The following RHOQ variants were observed in gnomAD, a reference collection of about 807,000 sequenced individuals.
RHOQ encodes ras homolog family member Q, also known as rho-related GTP-binding protein RhoQ.
RHOQ carries 7 observed loss-of-function variants against 25.8 expected under a neutral mutation model. That is an observed-to-expected ratio of 0.27 (90% CI 0.15 to 0.51). The LOEUF is 0.51. RHOQ is among the 20% of genes least tolerant of loss of function. The pLI is 0.97. For synonymous variants in RHOQ, 97 were observed against 98.6 expected (o/e 0.98, Z 0.10); for missense variants, 165 against 260.6 (o/e 0.63, Z 2.53).
At chr2:46,567,900 A>T (rs377147087) in intron 2 of RHOQ, among the ~76,000 whole-genome samples, 151 of 152,114 alleles carry the variant, frequency 9.9e-4, no homozygotes, top group African/African-American at 2.9e-3. Context: ...TCTACAAAAA[A>T]AAAATAAAAT....
In RHOQ at chr2:46,569,987, G is replaced by A. The variant is rs993538199; in HGVS notation, c.202-6100G>A. Among the ~76,000 whole-genome samples the A allele has an allele frequency of 4.6e-5, 7 of 152,176 alleles. No homozygotes were observed. The highest frequency in any genetic ancestry group is 3.3e-4 in the Admixed American group (5 of 15,278). On this transcript the variant is annotated intron_variant, in intron 2 of 4. Coordinates refer to ENST00000238738, the MANE Select transcript of RHOQ (RefSeq NM_012249.4). The surrounding 1 kb of genome is among the most constrained non-coding windows in gnomAD (Gnocchi z 4.1). ...GGCAAATTCAGTAAACTCATCACTG[G>A]TGAGTTTTGAACCAAACTTACCAAA...
At chr2:46,545,242 C>T (rs1668008134) in intron 2 of RHOQ, among the ~76,000 whole-genome samples, 1 of 152,202 alleles carries the variant, frequency 6.6e-6, no homozygotes, top group African/African-American at 2.4e-5. Context: ...AGAGCTTGCT[C>T]AATCAACTAA....
chr2:46,580,022 G>C (rs781164470), intron 4 of RHOQ: 5 of 152,510 alleles, frequency 3.3e-5, no homozygotes, highest in Non-Finnish European at 5.9e-5. Flanking sequence ...TACTGGAATA[G>C]CTTCCAACTC....
At chr2:46,551,490 G>A (rs1668240398) in intron 2 of RHOQ, among the ~76,000 whole-genome samples, 1 of 152,132 alleles carries the variant, frequency 6.6e-6, no homozygotes, top group Non-Finnish European at 1.5e-5. Context: ...TGACCCCAAA[G>A]CGTCTTTTTA....
Position 46,548,294 on chromosome 2 carries a change from A to C in RHOQ, c.201+4482A>C, listed in dbSNP as rs570642097. Among the ~76,000 whole-genome samples the C allele has an allele frequency of 6.6e-6, 1 of 152,296 alleles. No homozygotes were observed. The highest frequency in any genetic ancestry group is 2.1e-4 in the South Asian group (1 of 4,828). On this transcript the variant is annotated intron_variant, in intron 2 of 4. Transcript: ENST00000238738. The surrounding 1 kb of genome is among the most constrained non-coding windows in gnomAD (Gnocchi z 5.2). Reference sequence around the variant, plus strand: ...CATGCCCTCTGGGTGCCCACAAGGCACTTCCCCTACAGAAGGGAATCTCCA... The same window carrying C: ...CATGCCCTCTGGGTGCCCACAAGGCCCTTCCCCTACAGAAGGGAATCTCCA...
Position 46,548,459 on chromosome 2 carries a change from C to G in RHOQ, c.201+4647C>G, listed in dbSNP as rs1461985160. 6.6e-6 allele frequency among the ~76,000 whole-genome samples: 1 copy of G among 152,232 alleles called. No homozygotes were observed. Among genetic ancestry groups the G allele is most frequent in the African/African-American group, 2.4e-5 (1 of 41,458 alleles). ...CTCCAGGCAAGTCATCCTCACAACA[C>G]CCTTCAAGGTAGACTTCTCCCAGAT... On this transcript the variant is annotated intron_variant, in intron 2 of 4. Transcript: ENST00000238738. The surrounding 1 kb of genome is among the most constrained non-coding windows in gnomAD (Gnocchi z 5.2).
intron 2 of RHOQ, among the ~76,000 whole-genome samples, chr2:46,567,887 G>C (rs1259837670): frequency 6.6e-6 from 1 of 151,364 alleles, no homozygotes; most frequent in Admixed American, 6.6e-5. Context: ...CAAGACCCCT[G>C]TCTCTACAAA....
chr2:46,560,205 C>T (rs149196071), intron 2 of RHOQ, among the ~76,000 whole-genome samples: 4 of 152,286 alleles, frequency 2.6e-5, no homozygotes, highest in East Asian at 1.9e-4. Flanking sequence ...TTGCTCGCTC[C>T]GAATTTGGCT....
rs765791952 is a variant in RHOQ, at chr2:46,576,266, A to T, written c.366+15A>T. ...TAGGAACTCAGGTATGTCTGGTTTG[A>T]TTTTCTGCATTTTAGAATAAGCTCT... On this transcript the variant is annotated intron_variant, in intron 3 of 4. Transcript: ENST00000238738. The surrounding 1 kb of genome is among the most constrained non-coding windows in gnomAD (Gnocchi z 5.1). The T allele has an allele frequency of 6.3e-7, 1 of 1,596,414 alleles. No homozygotes were observed. The highest frequency in any genetic ancestry group is 8.5e-7 in the Non-Finnish European group (1 of 1,170,064).
chr2:46,574,072 T>C (rs1293091333), intron 2 of RHOQ, among the ~76,000 whole-genome samples: 1 of 152,240 alleles, frequency 6.6e-6, no homozygotes, highest in Non-Finnish European at 1.5e-5. Flanking sequence ...TGGTTTCCCA[T>C]GGGATAGAGA....
chr2:46,574,336 CTT>C (rs11349816), intron 2 of RHOQ, among the ~76,000 whole-genome samples: 30 of 142,412 alleles, frequency 2.1e-4, no homozygotes, highest in African/African-American at 6.1e-4. Flanking sequence ...CATACTGTTT[CTT>C]TTTTTTTTTT....
Position 46,581,405 on chromosome 2 carries a change from T to G in RHOQ, c.*322T>G. On this transcript the variant is annotated 3_prime_UTR_variant, in exon 5 of 5. Coordinates refer to ENST00000238738, the MANE Select transcript of RHOQ (RefSeq NM_012249.4). Reference sequence around the variant, plus strand: ...AAAACAGAGCTGTAAATGGAACTGCTTGGCTTTGACCATACACATTTCTGC... The same window carrying G: ...AAAACAGAGCTGTAAATGGAACTGCGTGGCTTTGACCATACACATTTCTGC... 2 of 1,554,058 alleles carry G rather than the reference T, an allele frequency of 1.3e-6. No individual in the cohort carries two copies. The highest frequency in any genetic ancestry group is 1.2e-5 in the South Asian group (1 of 84,766).
Position 46,552,382 on chromosome 2 carries a change from G to A in RHOQ, c.201+8570G>A, listed in dbSNP as rs1356111869. The stretch of plus-strand genomic sequence containing the variant: ...CAGAAGAGAGGGACAGGGAAATGCT[G>A]TTTGGGGGGCTGCCAGGCGGGCCAG... On this transcript the variant is annotated intron_variant, in intron 2 of 4. Coordinates refer to ENST00000238738, the MANE Select transcript of RHOQ (RefSeq NM_012249.4). This position sits in a 1 kb window ranked among gnomAD's most constrained non-coding sequence, Gnocchi z 5.0. 1.3e-5 allele frequency among the ~76,000 whole-genome samples: 2 copies of A among 152,234 alleles called. No homozygotes were observed. The highest frequency in any genetic ancestry group is 2.9e-5 in the Non-Finnish European group (2 of 68,042).
At position 46,569,553 on chromosome 2, in the gene RHOQ, C is replaced by T. The variant is rs1668846242; in HGVS notation, c.202-6534C>T. ...GCTCCACCAGATGTAAATTTTCTCT[C>T]CGTTTCCTCCAGCCAACCTAAACAG... On this transcript the variant is annotated intron_variant, in intron 2 of 4. Transcript: ENST00000238738. The surrounding 1 kb of genome is among the most constrained non-coding windows in gnomAD (Gnocchi z 4.1). 1 of 152,200 alleles carries T rather than the reference C, an allele frequency of 6.6e-6. No homozygotes were observed. Among genetic ancestry groups the T allele is most frequent in the Admixed American group, 6.5e-5 (1 of 15,278 alleles). 9.4% of individuals were successfully genotyped at this position (152,200 alleles called of 1,614,324 possible). A position where few individuals can be genotyped will look rare whatever the true frequency, so the allele number is the denominator to read the frequency against.
At chr2:46,561,111 T>C (rs1470381411) in intron 2 of RHOQ, among the ~76,000 whole-genome samples, 5 of 151,702 alleles carry the variant, frequency 3.3e-5, no homozygotes, top group South Asian at 4.2e-4. Flanking sequence ...TATGTGTGTG[T>C]GCGCACGTTT....
At chr2:46,561,803 C>G (rs796644159) in intron 2 of RHOQ, among the ~76,000 whole-genome samples, 72 of 152,210 alleles carry the variant, frequency 4.7e-4, no homozygotes, top group African/African-American at 1.7e-3. Flanking sequence ...TACTGTCTAC[C>G]CCTCCCTCTG....
chr2:46,545,311 A>C (rs1383135474), intron 2 of RHOQ, among the ~76,000 whole-genome samples: 1 of 152,198 alleles, frequency 6.6e-6, no homozygotes. Context: ...GGTTGAAAAG[A>C]GGAAGCTTTT....
rs574723428 is a variant in RHOQ, at chr2:46,560,447, A to G, written c.202-15640A>G. ...TATAGTTAGAAACATAAATATGAAGAACAAAGTTATAGTGGTGGATATTCT... is the reference window on the plus strand; with the variant it reads ...TATAGTTAGAAACATAAATATGAAGGACAAAGTTATAGTGGTGGATATTCT... On this transcript the variant is annotated intron_variant, in intron 2 of 4. Coordinates refer to ENST00000238738, the MANE Select transcript of RHOQ (RefSeq NM_012249.4). 271 of 363,644 alleles carry G rather than the reference A, an allele frequency of 7.5e-4. 3 individuals carry two copies. The Middle Eastern group carries it at 0.019, about 25-fold the overall frequency. The allele number at this position is 363,644 out of a possible 1,614,324, so 22.5% of individuals were successfully genotyped here. A position where few individuals can be genotyped will look rare whatever the true frequency, so the allele number is the denominator to read the frequency against.
At chr2:46,572,539 TAA>T (rs1190158583) in intron 2 of RHOQ, among the ~76,000 whole-genome samples, 1 of 152,192 alleles carries the variant, frequency 6.6e-6, no homozygotes, top group East Asian at 1.9e-4. Flanking sequence ...GGTAAGAAGC[TAA>T]AGAGTCTGCC....
Sources: allele counts gnomAD v4.1 joint callset (sites outside exome capture counted in the v4.1 genomes callset), GRCh38; gene constraint gnomAD v4.1.1; non-coding constraint Gnocchi (gnomAD v3.1); transcripts MANE v1.5; gene names NCBI Gene and HGNC (gene_info 2026-07-23, HGNC 2026-07-21).